The following SCIN variants were observed in gnomAD, a reference collection of about 807,000 sequenced individuals.
The protein encoded by SCIN is adseverin.
In SCIN, 91 loss-of-function variants were observed where a neutral mutation model predicts 91.8. The ratio of observed to expected loss-of-function variants is 0.99; its 90% confidence interval spans 0.84 to 1.18. The LOEUF is 1.18. Ranked by LOEUF, SCIN falls within the 50% of genes most tolerant of loss-of-function variation. The pLI, the probability that SCIN is intolerant of heterozygous loss-of-function variation, is 0.00. For missense variants in SCIN, 1,087 were observed against 863.9 expected (o/e 1.26, Z -3.24); for synonymous variants, 367 against 312.6 (o/e 1.17, Z -1.84).
At chr7:12,643,569 T>C (rs1052999237) in intron 11 of SCIN, among the ~76,000 whole-genome samples, 1 of 152,192 alleles carries the variant, frequency 6.6e-6, no homozygotes, top group Non-Finnish European at 1.5e-5. Flanking sequence ...CCAACAGCCA[T>C]TCCTTCCACC....
intron 1 of SCIN, among the ~76,000 whole-genome samples, chr7:12,576,147 A>C (rs1990225): frequency 0.49 from 74,216 of 151,958 alleles, 18,286 homozygotes; most frequent in African/African-American, 0.55. Flanking sequence ...ATTCCAAGTT[A>C]TCTCTTAAAG....
At chr7:12,604,401 A>T (rs1783027763) in intron 3 of SCIN, 113 bp from the exon 4 acceptor site, 7 of 914,252 alleles carry the variant, frequency 7.7e-6, no homozygotes, top group Non-Finnish European at 1.2e-5. Context: ...ATATACCTCA[A>T]CAATAGGTCA....
At chr7:12,603,888 A>G (rs1374808817) in intron 3 of SCIN, among the ~76,000 whole-genome samples, 2 of 133,262 alleles carry the variant, frequency 1.5e-5, no homozygotes, top group African/African-American at 5.4e-5. Flanking sequence ...TTACATAGCA[A>G]CGAAAACCCT....
intron 4 of SCIN, among the ~76,000 whole-genome samples, chr7:12,618,104 C>A (rs1783335393): frequency 6.6e-6 from 1 of 152,132 alleles, no homozygotes; most frequent in Non-Finnish European, 1.5e-5. Context: ...ACTGCCACAG[C>A]ATTCCCTGAG....
At chr7:12,586,513 C>T (rs77542860) in intron 3 of SCIN, among the ~76,000 whole-genome samples, 2,558 of 152,166 alleles carry the variant, frequency 0.017, 64 homozygotes, top group African/African-American at 0.058. Flanking sequence ...TTATGAAAAA[C>T]ATTATGGAAG....
intron 4 of SCIN, 60 bp downstream of exon 4, chr7:12,604,723 G>GGTGTGTGT: frequency 1.1e-6 from 1 of 919,390 alleles, no homozygotes; most frequent in Non-Finnish European, 1.5e-6. Flanking sequence ...GTGTCTGTGT[G>GGTGTGTGT]GTGTGTGTGT....
At position 12,651,312 on chromosome 7, in the gene SCIN, T is replaced by A. The variant is rs2115305131; in HGVS notation, c.1960-529T>A. ...ATACTCTCAGTTAATCTTCCCTAGA[T>A]CCCGAAAAGGGAGGGCCTCAAAGAA... is the stretch of plus-strand genomic sequence containing the variant. On this transcript the variant is annotated intron_variant, in intron 14 of 15. Transcript: ENST00000297029. This position sits in a 1 kb window ranked among gnomAD's most constrained non-coding sequence, Gnocchi z 5.9. 6.6e-6 allele frequency among the ~76,000 whole-genome samples: 1 copy of A among 152,222 alleles called. No homozygotes were observed. Among genetic ancestry groups the A allele is most frequent in the South Asian group, 2.1e-4 (1 of 4,814 alleles).
In SCIN at chr7:12,625,062, C is replaced by G. The variant is rs780774921; in HGVS notation, c.812C>G (p.Pro271Arg). 25 of 1,593,376 alleles carry G rather than the reference C, an allele frequency of 1.6e-5. No homozygotes were observed. Among genetic ancestry groups the G allele is most frequent in the African/African-American group, 2.7e-5 (2 of 74,638 alleles). Residue 271 changes from proline (P) to arginine (R), a missense_variant, in exon 6 of 16, where the codon CCC becomes CGC. Coordinates refer to ENST00000297029, the MANE Select transcript of SCIN (RefSeq NM_001112706.3). ...MRVTVVAEEN[P>R]FSMAMLLSEE... ...GTGACTGTGGTGGCAGAAGAAAACC[C>G]CTTCTCAATGGCAATGCTGCTGTCT...
In SCIN at chr7:12,649,443, C is replaced by G. The variant is rs368438905; in HGVS notation, c.1882-24C>G. On this transcript the variant is annotated intron_variant, in intron 13 of 15. Transcript: ENST00000297029. ...AAAAATTACTGCTTTACTTTTTGCT[C>G]ATATAGCTTTTTATACCTTTCAGAT... The G allele has an allele frequency of 6.4e-5, 98 of 1,521,110 alleles. No individual in the cohort carries two copies. The African/African-American group carries it at 1.2e-3, about 19-fold the overall frequency. 94.2% of individuals were successfully genotyped at this position (1,521,110 alleles called of 1,614,324 possible).
chr7:12,591,369 T>C (rs907062790), intron 3 of SCIN, among the ~76,000 whole-genome samples: 1 of 152,142 alleles, frequency 6.6e-6, no homozygotes, highest in African/African-American at 2.4e-5. Context: ...AGTTTCCTGC[T>C]TTCTAGAGCT....
chr7:12,584,000 A>G (rs1439449956), intron 3 of SCIN, among the ~76,000 whole-genome samples: 1 of 152,144 alleles, frequency 6.6e-6, no homozygotes, highest in Non-Finnish European at 1.5e-5. Flanking sequence ...CCTATACTCA[A>G]AAGGGATACC....
rs1784199034 is a variant in SCIN, at chr7:12,657,887, A to G, written c.*5172A>G. On this transcript the variant is annotated 3_prime_UTR_variant, in exon 16 of 16. Transcript: ENST00000297029. ...ACTTTTCTTCTATTATAGGAATAAG[A>G]ATTCAGTAGTCATATTTCCTGTTGC... 1 of 152,052 alleles carries G rather than the reference A, an allele frequency of 6.6e-6. No homozygotes were observed. The highest frequency in any genetic ancestry group is 2.4e-5 in the African/African-American group (1 of 41,420). 9.4% of individuals were successfully genotyped at this position (152,052 alleles called of 1,614,324 possible). A position where few individuals can be genotyped will look rare whatever the true frequency, so the allele number is the denominator to read the frequency against.
At chr7:12,644,947 G>A (rs931184609) in intron 13 of SCIN, among the ~76,000 whole-genome samples, 2 of 150,456 alleles carry the variant, frequency 1.3e-5, no homozygotes, top group East Asian at 2.0e-4. Flanking sequence ...CCCAGGAGGC[G>A]GAGGTTGCAG....
chr7:12,608,886 C>T (rs931247249), intron 4 of SCIN, among the ~76,000 whole-genome samples: 4 of 152,080 alleles, frequency 2.6e-5, no homozygotes, highest in Non-Finnish European at 2.9e-5. Flanking sequence ...CTTGAAAGCA[C>T]GGATATTTTA....
chr7:12,649,061 T>C (rs1784025935), intron 13 of SCIN, among the ~76,000 whole-genome samples: 1 of 151,996 alleles, frequency 6.6e-6, no homozygotes, highest in African/African-American at 2.4e-5. Context: ...CTGTGAGGAG[T>C]GGTGATATGA....
intron 4 of SCIN, among the ~76,000 whole-genome samples, chr7:12,608,353 T>C (rs1297868060): frequency 8.0e-6 from 1 of 124,456 alleles, no homozygotes; most frequent in African/African-American, 3.1e-5. Flanking sequence ...ACACACAGAG[T>C]ATCCTTGTTT....
chr7:12,651,129 C>T lies in SCIN; in HGVS notation c.1960-712C>T, dbSNP rs1408272237. On this transcript the variant is annotated intron_variant, in intron 14 of 15. Coordinates refer to ENST00000297029, the MANE Select transcript of SCIN (RefSeq NM_001112706.3). This position sits in a 1 kb window ranked among gnomAD's most constrained non-coding sequence, Gnocchi z 5.9. ...TGGCTGGATGGTTGATGCTTTTCTA[C>T]CATTTTGAAGTTACAGAAAGAATGG... 6.6e-6 allele frequency among the ~76,000 whole-genome samples: 1 copy of T among 152,080 alleles called. No individual in the cohort carries two copies.
At chr7:12,602,875 G>A (rs539225701) in intron 3 of SCIN, among the ~76,000 whole-genome samples, 3 of 152,090 alleles carry the variant, frequency 2.0e-5, no homozygotes, top group African/African-American at 7.2e-5. Flanking sequence ...AATTATAGTG[G>A]TCCTGAGGTG....
At position 12,604,188 on chromosome 7, in the gene SCIN, A is replaced by C. The variant is rs115152804; in HGVS notation, c.517-326A>C. On this transcript the variant is annotated intron_variant, in intron 3 of 15. Coordinates refer to ENST00000297029, the MANE Select transcript of SCIN (RefSeq NM_001112706.3). ...ATCATCAAGAGTATCATATTTTTACAGATTCTTTACTACTTTTCTGAAGTG... is the reference window on the plus strand; with the variant it reads ...ATCATCAAGAGTATCATATTTTTACCGATTCTTTACTACTTTTCTGAAGTG... 4.7e-4 allele frequency among the ~76,000 whole-genome samples: 71 copies of C among 152,254 alleles called. 2 individuals are homozygous for C. The highest frequency in any genetic ancestry group is 1.7e-3 in the African/African-American group (70 of 41,534).
Sources: gnomAD v4.1 joint callset for allele counts (sites outside exome capture counted in the v4.1 genomes callset) on GRCh38, gnomAD v4.1.1 for gene constraint, Gnocchi (gnomAD v3.1) non-coding constraint, MANE v1.5 for transcripts, NCBI Gene and HGNC (gene_info 2026-07-23, HGNC 2026-07-21) for gene names.